The following LYPD1 variants were observed in gnomAD, a reference collection of about 807,000 sequenced individuals.
The protein encoded by LYPD1 is ly6/PLAUR domain-containing protein 1.
In LYPD1, 14 loss-of-function variants were observed where a neutral mutation model predicts 14.2. That is an observed-to-expected ratio of 0.99 (90% CI 0.65 to 1.54). LYPD1 has a LOEUF of 1.54. Among genes scored for constraint, LYPD1 ranks in the 40% most tolerant of loss-of-function variants. The pLI, the probability that LYPD1 is intolerant of heterozygous loss-of-function variation, is 0.00. For missense variants in LYPD1, 165 were observed against 175.7 expected (o/e 0.94, Z 0.34); for synonymous variants, 85 against 70.6 (o/e 1.20, Z -1.02).
chr2:132,651,529 A>T (rs568970973), intron 2 of LYPD1, among the ~76,000 whole-genome samples: 120 of 152,286 alleles, frequency 7.9e-4, no homozygotes, highest in African/African-American at 2.8e-3. Context: ...AGTCAGAAGG[A>T]TCTATAATTC....
Position 132,646,168 on chromosome 2 carries a change from G to GCAAACTGATGCTGATGCAT in LYPD1, c.302_303insATGCATCAGCATCAGTTTG (p.Cys101Ter). 6.2e-7 allele frequency: 1 copy of GCAAACTGATGCTGATGCAT among 1,611,688 alleles called. No homozygotes were observed. Among genetic ancestry groups the GCAAACTGATGCTGATGCAT allele is most frequent in the Non-Finnish European group, 8.5e-7 (1 of 1,178,706 alleles). ...TTGGCCCGTTACAAAGAGGGGTGTT[G>GCAAACTGATGCTGATGCAT]CAGCAGCTGATGCAAACTGAGTTCA... On this transcript the variant is annotated stop_gained and frameshift_variant, in exon 3 of 3. Transcript: ENST00000397463. LOFTEE classifies it high-confidence loss of function.
At chr2:132,662,268 C>A (rs115768209) in intron 2 of LYPD1, among the ~76,000 whole-genome samples, 336 of 152,284 alleles carry the variant, frequency 2.2e-3, no homozygotes, top group African/African-American at 7.4e-3. Context: ...AGCACTGGTT[C>A]CTTGAAGATG....
intron 2 of LYPD1, among the ~76,000 whole-genome samples, chr2:132,661,941 GA>G (rs72146038): frequency 0.13 from 17,967 of 142,364 alleles, 3,592 homozygotes; most frequent in African/African-American, 0.42. Flanking sequence ...CACCACAGCG[GA>G]AAAAAAAAAA....
intron 2 of LYPD1, among the ~76,000 whole-genome samples, chr2:132,657,066 G>A (rs1208281265): frequency 6.6e-6 from 1 of 152,188 alleles, no homozygotes; most frequent in Non-Finnish European, 1.5e-5. Context: ...GATGCGTTAA[G>A]TTCATTATTC....
Position 132,645,592 on chromosome 2 carries a change from G to A in LYPD1, c.*453C>T. On this transcript the variant is annotated 3_prime_UTR_variant, in exon 3 of 3. Transcript: ENST00000397463. ...TTCTGCTGCAGAGAATGGTTTTCAG[G>A]AGCATGAAGTTTGAATGTCAAGCGA... 1 of 1,611,288 alleles carries A rather than the reference G, an allele frequency of 6.2e-7. No individual in the cohort carries two copies. The highest frequency in any genetic ancestry group is 8.5e-7 in the Non-Finnish European group (1 of 1,178,802).
Position 132,647,659 on chromosome 2 carries a change from A to AT in LYPD1, c.191-1380dup, listed in dbSNP as rs200728693. 1.5e-4 allele frequency among the ~76,000 whole-genome samples: 23 copies of AT among 151,986 alleles called. No individual in the cohort carries two copies. In the East Asian group the frequency reaches 2.7e-3, roughly 18 times the overall value. On this transcript the variant is annotated intron_variant, in intron 2 of 2. Transcript: ENST00000397463. ...TGTGGCTATTTTATATCAATGAATT[A>AT]TTTTTTTTGGATAGATGATAGTGTT...
intron 2 of LYPD1, among the ~76,000 whole-genome samples, chr2:132,649,484 G>A (rs1251699651): frequency 6.6e-6 from 1 of 152,172 alleles, no homozygotes; most frequent in Non-Finnish European, 1.5e-5. Context: ...CTGGCGATGG[G>A]AACGGAGGTG....
chr2:132,669,973 G>A lies in LYPD1; in HGVS notation c.-41C>T. ...GGGCCGGGAGAGGGCAAGCGCATCA[G>A]AGGAGGCGACAGCAGCGGAGGCTGC... On this transcript the variant is annotated 5_prime_UTR_variant, in exon 1 of 3. Transcript: ENST00000397463. The surrounding 1 kb of genome is among the most constrained non-coding windows in gnomAD (Gnocchi z 4.3). 1 of 1,606,458 alleles carries A rather than the reference G, an allele frequency of 6.2e-7. No individual in the cohort carries two copies. Among genetic ancestry groups the A allele is most frequent in the East Asian group, 2.2e-5 (1 of 44,452 alleles).
rs1282221932 is a variant in LYPD1, at chr2:132,645,973, A to G, written c.*72T>C. 6 of 1,165,930 alleles carry G rather than the reference A, an allele frequency of 5.1e-6. No homozygotes were observed. Among genetic ancestry groups the G allele is most frequent in the Non-Finnish European group, 6.0e-6 (5 of 834,462 alleles). 72.2% of individuals were successfully genotyped at this position (1,165,930 alleles called of 1,614,324 possible). A position where few individuals can be genotyped will look rare whatever the true frequency, so the allele number is the denominator to read the frequency against. ...ATAAAAGGACACCCAGAAGAAACTC[A>G]CTCAGGGAGGTGGGGGGTTGGGGGC... is the stretch of plus-strand genomic sequence containing the variant. On this transcript the variant is annotated 3_prime_UTR_variant, in exon 3 of 3. Coordinates refer to ENST00000397463, the MANE Select transcript of LYPD1 (RefSeq NM_144586.7).
rs1273799039 is a variant in LYPD1, at chr2:132,643,469, G to C, written c.*2576C>G. On this transcript the variant is annotated 3_prime_UTR_variant, in exon 3 of 3. Coordinates refer to ENST00000397463, the MANE Select transcript of LYPD1 (RefSeq NM_144586.7). ...GGAATACTCAGGCCAGTGCATACAG[G>C]AGGCTCAATTCTGGATGTGTGAATG... 6.6e-6 allele frequency among the ~76,000 whole-genome samples: 1 copy of C among 152,158 alleles called. No individual in the cohort carries two copies. Among genetic ancestry groups the C allele is most frequent in the Non-Finnish European group, 1.5e-5 (1 of 68,018 alleles).
Position 132,669,928 on chromosome 2 carries a change from C to T in LYPD1, c.5G>A (p.Trp2Ter), listed in dbSNP as rs1683556656. The stretch of plus-strand genomic sequence containing the variant: ...AAAAGTTGCCGCGATGCCTAGGACC[C>T]ACATTCTCCCGGAGTCCCGGGGCCG... M[W>*]VLGIAATFCG... The change falls in exon 1 of 3, where the codon TGG becomes TAG. Residue 2 changes from tryptophan to a stop codon, truncating the protein, a stop_gained. Transcript: ENST00000397463. LOFTEE classifies it high-confidence loss of function. This position sits in a 1 kb window ranked among gnomAD's most constrained non-coding sequence, Gnocchi z 4.3. The T allele has an allele frequency of 6.2e-7, 1 of 1,612,616 alleles. No homozygotes were observed. The highest frequency in any genetic ancestry group is 2.2e-5 in the East Asian group (1 of 44,724).
intron 2 of LYPD1, among the ~76,000 whole-genome samples, chr2:132,658,955 T>G (rs1276336843): frequency 5.1e-5 from 1 of 19,750 alleles, no homozygotes; most frequent in Non-Finnish European, 8.5e-5. Context: ...GTTGTAGAGG[T>G]GTGTGTGTGT....
At chr2:132,647,839 C>T (rs1682187350) in intron 2 of LYPD1, among the ~76,000 whole-genome samples, 1 of 152,142 alleles carries the variant, frequency 6.6e-6, no homozygotes, top group South Asian at 2.1e-4. Context: ...TGGCTCCGTC[C>T]TCGAGAATTG....
rs1472809495 is a variant in LYPD1, at chr2:132,645,914, A to AAAAG, written c.*127_*130dup. 2.8e-6 allele frequency: 2 copies of AAAAG among 713,898 alleles called. No individual in the cohort carries two copies. Among genetic ancestry groups the AAAAG allele is most frequent in the Non-Finnish European group, 4.5e-6 (2 of 441,050 alleles). The allele number at this position is 713,898 out of a possible 1,614,324, so 44.2% of individuals were successfully genotyped here. On this transcript the variant is annotated 3_prime_UTR_variant, in exon 3 of 3. Transcript: ENST00000397463. ...GCTCTTTCATTATTTGCACAGGAAC[A>AAAAG]AAAGAGAACACGGACTCCCGCTCCC...
rs530193488 is a variant in LYPD1 at position 132,645,886 on chromosome 2, C to G, written c.*159G>C. The G allele has an allele frequency of 3.0e-6, 2 of 660,640 alleles. No homozygotes were observed. Among genetic ancestry groups the G allele is most frequent in the Admixed American group, 6.7e-5 (2 of 29,952 alleles). The allele number at this position is 660,640 out of a possible 1,614,324, so 40.9% of individuals were successfully genotyped here. ...GCTGAATTTATTCAGAATGCTTTACCGAGCTCTTTCATTATTTGCACAGGA... is the reference window on the plus strand; with the variant it reads ...GCTGAATTTATTCAGAATGCTTTACGGAGCTCTTTCATTATTTGCACAGGA... On this transcript the variant is annotated 3_prime_UTR_variant, in exon 3 of 3. Coordinates refer to ENST00000397463, the MANE Select transcript of LYPD1 (RefSeq NM_144586.7).
At chr2:132,665,867 A>C (rs1683239341) in intron 2 of LYPD1, among the ~76,000 whole-genome samples, 1 of 152,232 alleles carries the variant, frequency 6.6e-6, no homozygotes, top group Non-Finnish European at 1.5e-5. Context: ...TCCAACATGC[A>C]TCTTTAACTA....
At position 132,645,066 on chromosome 2, in the gene LYPD1, TTC is replaced by T. The variant is rs1430454662; in HGVS notation, c.*977_*978del. 12 of 1,579,566 alleles carry T rather than the reference TTC, an allele frequency of 7.6e-6. No homozygotes were observed. Among genetic ancestry groups the T allele is most frequent in the Non-Finnish European group, 9.5e-6 (11 of 1,161,862 alleles). On this transcript the variant is annotated 3_prime_UTR_variant, in exon 3 of 3. Transcript: ENST00000397463. ...TGTGTTCTCATGCTGTGTTTTTCTT[TTC>T]TCTGTCTCTCCCTCCTGCTCGTGTC...
intron 2 of LYPD1, among the ~76,000 whole-genome samples, chr2:132,657,061 G>A (rs1028199272): frequency 7.9e-5 from 12 of 152,208 alleles, no homozygotes; most frequent in East Asian, 1.9e-4. Context: ...ACAGGGATGC[G>A]TTAAGTTCAT....
rs556519651 is a variant in LYPD1, at chr2:132,651,729, A to G, written c.191-5449T>C. On this transcript the variant is annotated intron_variant, in intron 2 of 2. Coordinates refer to ENST00000397463, the MANE Select transcript of LYPD1 (RefSeq NM_144586.7). Reference sequence around the variant, plus strand: ...AGAATGATAGTTAAGCATACCATTTATGTAAGAAAGAAACCACAAAGCAAT... The same window carrying G: ...AGAATGATAGTTAAGCATACCATTTGTGTAAGAAAGAAACCACAAAGCAAT... 4.9e-4 allele frequency among the ~76,000 whole-genome samples: 74 copies of G among 152,212 alleles called. 1 individual carries two copies. Among genetic ancestry groups the G allele is most frequent in the Admixed American group, 3.2e-3 (49 of 15,282 alleles).
Sources: allele counts gnomAD v4.1 joint callset (sites outside exome capture counted in the v4.1 genomes callset), GRCh38; gene constraint gnomAD v4.1.1; non-coding constraint Gnocchi (gnomAD v3.1); transcripts MANE v1.5; gene names NCBI Gene and HGNC (gene_info 2026-07-23, HGNC 2026-07-21).